The following THADA variants were observed in gnomAD, a reference collection of about 807,000 sequenced individuals.
The protein encoded by THADA is THADA armadillo repeat containing.
In THADA, 213 loss-of-function variants were observed where a neutral mutation model predicts 219.8. The observed-to-expected ratio is 0.97, with a 90% CI of 0.87 to 1.09. The LOEUF is 1.09. Among genes scored for constraint, THADA ranks in the 50% least tolerant of loss-of-function variants. THADA has a pLI of 0.00. For missense variants in THADA, 2,956 were observed against 2,311.3 expected, an observed-to-expected ratio of 1.28 and a Z score of -5.72; for synonymous variants, 1,018 against 828.9, an observed-to-expected ratio of 1.23 and a Z score of -3.92.
chr2:43,429,558 T>C (rs531795523), intron 27 of THADA, among the ~76,000 whole-genome samples: 2 of 152,232 alleles, frequency 1.3e-5, no homozygotes, highest in East Asian at 1.9e-4. Flanking sequence ...CTAATCGCTA[T>C]AGTTTCACAA....
At chr2:43,313,826 T>G (rs745399486) in intron 31 of THADA, among the ~76,000 whole-genome samples, 1 of 152,224 alleles carries the variant, frequency 6.6e-6, no homozygotes, top group Non-Finnish European at 1.5e-5. Context: ...AGCGAGTGAC[T>G]GATGTTTCCT....
intron 21 of THADA, among the ~76,000 whole-genome samples, chr2:43,532,821 G>A (rs891386274): frequency 4.6e-5 from 7 of 152,256 alleles, no homozygotes; most frequent in East Asian, 3.9e-4. Context: ...TACCATTCAC[G>A]ACATAGGCAT....
At chr2:43,422,432 G>C (rs1429137189) in intron 28 of THADA, among the ~76,000 whole-genome samples, 1 of 152,066 alleles carries the variant, frequency 6.6e-6, no homozygotes, top group African/African-American at 2.4e-5. Flanking sequence ...AAAATGGGGA[G>C]CCCAGAACAG....
chr2:43,510,585 A>T (rs984248569), intron 22 of THADA, among the ~76,000 whole-genome samples: 1 of 152,012 alleles, frequency 6.6e-6, no homozygotes, highest in African/African-American at 2.4e-5. Context: ...CAAAAACTGA[A>T]ATCCAAATTC....
chr2:43,440,471 C>G (rs1399390952), intron 26 of THADA, among the ~76,000 whole-genome samples: 1 of 152,144 alleles, frequency 6.6e-6, no homozygotes, highest in African/African-American at 2.4e-5. Context: ...CAAAATCATT[C>G]CACTACAGGC....
At chr2:43,291,642 G>A (rs1204673681) in intron 34 of THADA, 54 bp downstream of exon 34, 2 of 1,420,762 alleles carry the variant, frequency 1.4e-6, no homozygotes, top group Non-Finnish European at 1.9e-6. Flanking sequence ...CATCTTCTGA[G>A]TAAATGAGAA....
intron 26 of THADA, among the ~76,000 whole-genome samples, chr2:43,481,224 A>C (rs1400240807): frequency 6.6e-6 from 1 of 152,232 alleles, no homozygotes; most frequent in Non-Finnish European, 1.5e-5. Flanking sequence ...AAAAATAACT[A>C]AAATAATTCT....
At chr2:43,294,712 A>C (rs891528302) in intron 31 of THADA, among the ~76,000 whole-genome samples, 6 of 152,128 alleles carry the variant, frequency 3.9e-5, no homozygotes, top group Non-Finnish European at 8.8e-5. Flanking sequence ...CAGTTACAAC[A>C]CTACTGCACC....
intron 26 of THADA, among the ~76,000 whole-genome samples, chr2:43,478,168 A>G (rs1256297089): frequency 6.6e-6 from 1 of 152,228 alleles, no homozygotes; most frequent in African/African-American, 2.4e-5. Context: ...GCCAAGGTCC[A>G]TAAGGAGTAT....
chr2:43,476,722 C>T (rs1444453578), intron 26 of THADA, among the ~76,000 whole-genome samples: 1 of 152,100 alleles, frequency 6.6e-6, no homozygotes, highest in Non-Finnish European at 1.5e-5. Flanking sequence ...CACTCTTCAC[C>T]CACCCCACAA....
Position 43,570,462 on chromosome 2 carries a change from G to C in THADA, c.2113C>G (p.Gln705Glu). ...TCTGGTTCACGTTTGGATTTACTCTGCTCCAATTTATAAAGTACCTGAGAA... is the reference window on the plus strand; with the variant it reads ...TCTGGTTCACGTTTGGATTTACTCTCCTCCAATTTATAAAGTACCTGAGAA... ...ESSQVLYKLE[Q>E]SKSKREPENE... The change falls in exon 14 of 38, where the codon CAG (glutamine) becomes GAG (glutamate). Residue 705 changes from glutamine to glutamate, a missense_variant. Transcript: ENST00000405975. 1 of 1,612,986 alleles carries C rather than the reference G, an allele frequency of 6.2e-7. No individual in the cohort carries two copies. Among genetic ancestry groups the C allele is most frequent in the Non-Finnish European group, 8.5e-7 (1 of 1,179,520 alleles).
rs78495808 is a variant in THADA, at chr2:43,573,519, G to C, written c.1730-527C>G. Among the ~76,000 whole-genome samples the C allele has an allele frequency of 5.9e-5, 9 of 152,300 alleles. No individual in the cohort carries two copies. In the East Asian group the frequency reaches 1.7e-3, roughly 29 times the overall value. Reference sequence around the variant, plus strand: ...TAAAAATAAAGACAACCTTACTTCAGAACAGATTCTTGAATCCTGAATTTC... The same window carrying C: ...TAAAAATAAAGACAACCTTACTTCACAACAGATTCTTGAATCCTGAATTTC... On this transcript the variant is annotated intron_variant, in intron 11 of 37. Coordinates refer to ENST00000405975, the MANE Select transcript of THADA (RefSeq NM_022065.5).
intron 29 of THADA, among the ~76,000 whole-genome samples, chr2:43,383,957 T>A (rs996346579): frequency 6.6e-6 from 1 of 152,250 alleles, no homozygotes; most frequent in African/African-American, 2.4e-5. Flanking sequence ...AAATTTTAGA[T>A]GTTTTTAGGC....
rs1701097931 is a variant in THADA, at chr2:43,587,014, A to G, written c.303-12T>C. On this transcript the variant is annotated splice_polypyrimidine_tract_variant and intron_variant, in intron 4 of 37. Coordinates refer to ENST00000405975, the MANE Select transcript of THADA (RefSeq NM_022065.5). ...GGCTATTTAGTGAGCTAGAAAAAGAAACAAATATTAAAAATCTGACAATCT... is the reference window on the plus strand; with the variant it reads ...GGCTATTTAGTGAGCTAGAAAAAGAGACAAATATTAAAAATCTGACAATCT... 2 of 1,609,078 alleles carry G rather than the reference A, an allele frequency of 1.2e-6. No individual in the cohort carries two copies. The highest frequency in any genetic ancestry group is 1.7e-6 in the Non-Finnish European group (2 of 1,177,640).
At chr2:43,350,979 T>C (rs1668189173) in intron 29 of THADA, among the ~76,000 whole-genome samples, 1 of 152,168 alleles carries the variant, frequency 6.6e-6, no homozygotes, top group Admixed American at 6.5e-5. Context: ...CTTTAAGGAC[T>C]ACAGTGTACA....
At chr2:43,551,139 A>G (rs1259137278) in intron 19 of THADA, among the ~76,000 whole-genome samples, 1 of 152,200 alleles carries the variant, frequency 6.6e-6, no homozygotes, top group Non-Finnish European at 1.5e-5. Flanking sequence ...GTATTTCAGC[A>G]TATGGTTCAG....
intron 26 of THADA, among the ~76,000 whole-genome samples, chr2:43,435,646 G>A (rs939830443): frequency 1.3e-5 from 2 of 151,880 alleles, no homozygotes; most frequent in East Asian, 3.9e-4. Flanking sequence ...AGCCAGTTGA[G>A]GTAGCATCTG....
At chr2:43,465,440 G>A (rs777270993) in intron 26 of THADA, among the ~76,000 whole-genome samples, 1 of 152,182 alleles carries the variant, frequency 6.6e-6, no homozygotes, top group Non-Finnish European at 1.5e-5. Context: ...AGCTCAGAGC[G>A]TGGGTTAAGT....
chr2:43,505,553 C>T, intron 24 of THADA, 69 bp downstream of exon 24: 1 of 1,222,936 alleles, frequency 8.2e-7, no homozygotes, highest in Non-Finnish European at 1.2e-6. Flanking sequence ...TAACAGCCGT[C>T]TTGAAAAAAG....
Sources: allele counts gnomAD v4.1 joint callset (sites outside exome capture counted in the v4.1 genomes callset), GRCh38; gene constraint gnomAD v4.1.1; transcripts MANE v1.5; gene names NCBI Gene and HGNC (gene_info 2026-07-23, HGNC 2026-07-21).